ZC3H14: variants seen among roughly 807,000 people sequenced by gnomAD.
ZC3H14 encodes zinc finger CCCH-type containing 14.
In ZC3H14, 31 loss-of-function variants were observed where a neutral mutation model predicts 92.4. The ratio of observed to expected loss-of-function variants is 0.34; its 90% confidence interval spans 0.25 to 0.45. The LOEUF is 0.45. Ranked by LOEUF, ZC3H14 falls within the 20% of genes least tolerant of loss-of-function variation. ZC3H14 has a pLI of 1.00. For synonymous variants in ZC3H14, 321 were observed against 300.9 expected (o/e 1.07, Z -0.69); for missense variants, 781 against 897.3 (o/e 0.87, Z 1.66).
In ZC3H14 at chr14:88,610,815, C is replaced by T. The variant is rs1350831365; in HGVS notation, c.2098-19C>T. ...ATTAGCCTTGTGGATATTGTTGAAG[C>T]TCTGTTATCTCTATTCAGCATTGTA... On this transcript the variant is annotated intron_variant, in intron 15 of 16. Transcript: ENST00000251038. 3 of 1,601,548 alleles carry T rather than the reference C, an allele frequency of 1.9e-6. No homozygotes were observed. Among genetic ancestry groups the T allele is most frequent in the Non-Finnish European group, 1.7e-6 (2 of 1,168,790 alleles).
intron 9 of ZC3H14, among the ~76,000 whole-genome samples, chr14:88,588,729 TGG>T (rs1427821978): frequency 3.9e-5 from 6 of 152,206 alleles, no homozygotes; most frequent in Non-Finnish European, 7.3e-5. Context: ...CATTGTTCTC[TGG>T]TGGAAATTCT....
rs12435692 is a variant in ZC3H14, at chr14:88,623,141, G to A, written c.*11390G>A. The A allele has an allele frequency of 0.19, 27,935 of 149,130 alleles. 3,089 individuals are homozygous for A. The highest frequency in any genetic ancestry group is 0.48 in the East Asian group (2,398 of 5,026). 9.2% of individuals were successfully genotyped at this position (149,130 alleles called of 1,614,324 possible). The stretch of plus-strand genomic sequence containing the variant: ...AGCGATTCTCCTACCTCAGCCTCCC[G>A]AGTAGCTAGCATTACAGGTGTGCAC... On this transcript the variant is annotated 3_prime_UTR_variant, in exon 17 of 17. Coordinates refer to ENST00000251038, the MANE Select transcript of ZC3H14 (RefSeq NM_024824.5).
Position 88,618,785 on chromosome 14 carries a change from T to G in ZC3H14, c.*7034T>G. The stretch of plus-strand genomic sequence containing the variant: ...CCACTGAGTTCTCACTAGAACCTAC[T>G]GCCAGATACCGGGAATCCGGACTAA... On this transcript the variant is annotated 3_prime_UTR_variant, in exon 17 of 17. Transcript: ENST00000251038. 5 of 1,595,994 alleles carry G rather than the reference T, an allele frequency of 3.1e-6. No individual in the cohort carries two copies. The South Asian group carries it at 5.7e-5, about 18-fold the overall frequency.
At chr14:88,595,119 C>A in intron 9 of ZC3H14, 1 of 1,606,828 alleles carries the variant, frequency 6.2e-7, no homozygotes, top group South Asian at 1.1e-5. Context: ...AAGGTAAACT[C>A]TTAATATATG....
chr14:88,606,747 T>TAAAA (rs34408574), intron 12 of ZC3H14, among the ~76,000 whole-genome samples: 10 of 95,874 alleles, frequency 1.0e-4, no homozygotes, highest in Non-Finnish European at 1.6e-4. Context: ...GACCCTGTCG[T>TAAAA]AAAAAAAAAA....
In ZC3H14 at chr14:88,609,814, C is replaced by T. The variant is rs1012629938; in HGVS notation, c.2097+11C>T. On this transcript the variant is annotated intron_variant, in intron 15 of 16. Transcript: ENST00000251038. Reference sequence around the variant, plus strand: ...TTCTATCATCCAAAAGTAAGAACTTCTATTTTCTCAAATCAATTTAGTGAC... The same window carrying T: ...TTCTATCATCCAAAAGTAAGAACTTTTATTTTCTCAAATCAATTTAGTGAC... 1.2e-6 allele frequency: 2 copies of T among 1,611,810 alleles called. No homozygotes were observed. Among genetic ancestry groups the T allele is most frequent in the African/African-American group, 1.3e-5 (1 of 74,720 alleles).
intron 3 of ZC3H14, among the ~76,000 whole-genome samples, chr14:88,569,144 G>C (rs1811808444): frequency 6.6e-6 from 1 of 152,108 alleles, no homozygotes. Flanking sequence ...TGGGGTTATA[G>C]GTATGAGCCA....
Position 88,571,138 on chromosome 14 carries a change from C to CATT in ZC3H14, c.235+14_235+15insATT, listed in dbSNP as rs10682918. 6,490 of 1,434,126 alleles carry CATT rather than the reference C, an allele frequency of 4.5e-3. 3 individuals carry two copies. The highest frequency in any genetic ancestry group is 5.2e-3 in the South Asian group (412 of 78,722). The allele number at this position is 1,434,126 out of a possible 1,614,324, so 88.8% of individuals were successfully genotyped here. Reference sequence around the variant, plus strand: ...CTGTTACAACTGGTAAGATTCATAACTTTTTTTTTTAATTTCTGCTTGCTA... The same window carrying CATT: ...CTGTTACAACTGGTAAGATTCATAACATTTTTTTTTTTTAATTTCTGCTTGCTA... On this transcript the variant is annotated intron_variant, in intron 4 of 16. Coordinates refer to ENST00000251038, the MANE Select transcript of ZC3H14 (RefSeq NM_024824.5).
chr14:88,582,074 A>G (rs530043603), intron 9 of ZC3H14, among the ~76,000 whole-genome samples: 93 of 152,384 alleles, frequency 6.1e-4, no homozygotes, highest in Non-Finnish European at 1.0e-3. Flanking sequence ...GCAACAGACC[A>G]TATAGCTTGC....
At chr14:88,581,612 T>C (rs1010008476) in intron 9 of ZC3H14, among the ~76,000 whole-genome samples, 26 of 152,062 alleles carry the variant, frequency 1.7e-4, no homozygotes, top group African/African-American at 6.3e-4. Context: ...GAGAAATGTC[T>C]TTTTCCAGGT....
rs778584454 is a variant in ZC3H14, at chr14:88,602,876, G to A, written c.1563G>A (p.Thr521=). 16 of 1,614,142 alleles carry A rather than the reference G, an allele frequency of 9.9e-6. No homozygotes were observed. Among genetic ancestry groups the A allele is most frequent in the Non-Finnish European group, 1.4e-5 (16 of 1,180,030 alleles). ...CTGCAAGTCCCAAGTTTATAGTGAC[G>A]CTGGATGGTGTCCCCAGCCCCCCAG... ...DKPASPKFIV[T]LDGVPSPPGY... Residue 521 remains threonine (T), a synonymous_variant, in exon 12 of 17, where the codon ACG becomes ACA. Transcript: ENST00000251038.
rs1037216046 is a variant in ZC3H14, at chr14:88,611,825, C to T, written c.*74C>T. 2.5e-6 allele frequency: 4 copies of T among 1,590,218 alleles called. No individual in the cohort carries two copies. The highest frequency in any genetic ancestry group is 4.5e-5 in the East Asian group (2 of 44,736). On this transcript the variant is annotated 3_prime_UTR_variant, in exon 17 of 17. Transcript: ENST00000251038. ...TACTGATGAAAGATACTCTACAGAACTTGTCAAATCTTTGAAACTTGGAAT... is the reference window on the plus strand; with the variant it reads ...TACTGATGAAAGATACTCTACAGAATTTGTCAAATCTTTGAAACTTGGAAT...
chr14:88,602,074 T>C lies in ZC3H14; in HGVS notation c.1505T>C (p.Met502Thr), dbSNP rs975637083. Residue 502 changes from methionine (M) to threonine (T), a missense_variant, in exon 11 of 17, where the codon ATG becomes ACG. Met to Thr is a moderately conservative substitution (Grantham distance 81). Transcript: ENST00000251038. ...DSLRVLSGHL[M>T]QTRDLVQPDK... ...CTTCGGGTACTTTCAGGACACCTTA[T>C]GCAGACACGGTAGATGGTTTCTTTT... The C allele has an allele frequency of 6.2e-7, 1 of 1,613,916 alleles. No individual in the cohort carries two copies. The highest frequency in any genetic ancestry group is 1.3e-5 in the African/African-American group (1 of 74,924).
In ZC3H14 at chr14:88,563,108, G is replaced by A; in HGVS notation, c.-26G>A. ...CCGGGTAAGCCAAGCGCCGCGCAGT[G>A]CTGAGTTCCCGCACGCCGCAGAGCC... On this transcript the variant is annotated 5_prime_UTR_variant, in exon 1 of 17. Transcript: ENST00000251038. The A allele has an allele frequency of 6.3e-7, 1 of 1,579,860 alleles. No individual in the cohort carries two copies. The highest frequency in any genetic ancestry group is 1.1e-5 in the South Asian group (1 of 87,068).
intron 9 of ZC3H14, among the ~76,000 whole-genome samples, chr14:88,584,975 G>T (rs2082308468): frequency 6.6e-6 from 1 of 152,110 alleles, no homozygotes; most frequent in African/African-American, 2.4e-5. Flanking sequence ...AGAAAAAAAT[G>T]TATGAAGCTG....
At chr14:88,609,214 A>T in intron 13 of ZC3H14, 53 bp from the exon 14 acceptor site, 1 of 1,610,640 alleles carries the variant, frequency 6.2e-7, no homozygotes, top group Non-Finnish European at 8.5e-7. Context: ...ACACAGAACT[A>T]ATAATGCATT....
intron 9 of ZC3H14, among the ~76,000 whole-genome samples, chr14:88,593,758 T>A (rs144269312): frequency 6.6e-6 from 1 of 152,102 alleles, no homozygotes; most frequent in East Asian, 1.9e-4. Flanking sequence ...TCAAAACTCT[T>A]AGGGAAAAAA....
chr14:88,601,027 G>C (rs1316495542), intron 10 of ZC3H14, among the ~76,000 whole-genome samples: 2 of 152,096 alleles, frequency 1.3e-5, no homozygotes, highest in African/African-American at 4.8e-5. Context: ...GACTTCAGAT[G>C]TTCCTCCTTG....
chr14:88,574,697 A>G lies in ZC3H14; in HGVS notation c.866A>G (p.Glu289Gly). The stretch of plus-strand genomic sequence containing the variant: ...ATAAATTTTATCTGATTGCAGGATG[A>G]AAACTTTCGGAAGAGAAAGTTGCCT... ...NNSEKMSMEDENFRKRKLPVV... is the reference protein window; with the variant it reads ...NNSEKMSMEDGNFRKRKLPVV... Residue 289 changes from glutamate (E) to glycine (G), a missense_variant, in exon 7 of 17, where the codon GAA becomes GGA. This residue lies in a region of ZC3H14 where 454 missense variants were observed against 438.5 expected (regional missense o/e 1.04). Transcript: ENST00000251038. 1 of 1,614,104 alleles carries G rather than the reference A, an allele frequency of 6.2e-7. No homozygotes were observed. The highest frequency in any genetic ancestry group is 8.5e-7 in the Non-Finnish European group (1 of 1,179,966).
Sources: gnomAD v4.1 joint callset for allele counts (sites outside exome capture counted in the v4.1 genomes callset) on GRCh38, gnomAD v4.1.1 for gene constraint, gnomAD v4.1.1 regional missense constraint, MANE v1.5 for transcripts, NCBI Gene and HGNC (gene_info 2026-07-23, HGNC 2026-07-21) for gene names.